KHDC1: variants seen among roughly 807,000 people sequenced by gnomAD.
KHDC1 encodes KH homology domain-containing protein 1.
In KHDC1, 21 loss-of-function variants were observed where a neutral mutation model predicts 24.7. The observed-to-expected ratio is 0.85, with a 90% confidence interval of 0.60 to 1.23. KHDC1 has a LOEUF of 1.23. Ranked by LOEUF, KHDC1 falls within the 50% of genes most tolerant of loss-of-function variation. The pLI, the probability that KHDC1 is intolerant of heterozygous loss-of-function variation, is 0.00. For missense variants in KHDC1, 274 were observed against 298.5 expected, an observed-to-expected ratio of 0.92 and a Z score of 0.61; for synonymous variants, 98 against 111.7, an observed-to-expected ratio of 0.88 and a Z score of 0.77.
chr6:73,309,829 G>A, exon 1 of KHDC1: 2 of 1,289,070 alleles, frequency 1.6e-6, no homozygotes, highest in Non-Finnish European at 1.1e-6. Flanking sequence ...GAGAAGCGAA[G>A]TTCAGGACGC....
At chr6:73,270,730 G>A (rs901990396) in intron 2 of KHDC1, among the ~76,000 whole-genome samples, 9 of 149,172 alleles carry the variant, frequency 6.0e-5, no homozygotes, top group African/African-American at 2.2e-4. Flanking sequence ...TGCTCTTGTC[G>A]CCCAGGCTAG....
At chr6:73,279,056 G>C (rs1405090727) in intron 2 of KHDC1, among the ~76,000 whole-genome samples, 5 of 152,160 alleles carry the variant, frequency 3.3e-5, no homozygotes, top group Non-Finnish European at 7.3e-5. Flanking sequence ...GACTGTTACA[G>C]TGATTGCATA....
chr6:73,254,504 AAATAAAT>A (rs1362358568), intron 2 of KHDC1, among the ~76,000 whole-genome samples: 2 of 149,362 alleles, frequency 1.3e-5, no homozygotes, highest in Admixed American at 6.6e-5. Flanking sequence ...ATAAATAAAT[AAATAAAT>A]AAAAGACTAC....
chr6:73,302,896 G>A (rs1767902320), intron 1 of KHDC1, among the ~76,000 whole-genome samples: 1 of 152,168 alleles, frequency 6.6e-6, no homozygotes, highest in Non-Finnish European at 1.5e-5. Flanking sequence ...AGCCAACATA[G>A]TGAAACCCGG....
chr6:73,307,414 A>G (rs1767984789), intron 1 of KHDC1, among the ~76,000 whole-genome samples: 1 of 152,156 alleles, frequency 6.6e-6, no homozygotes, highest in Admixed American at 6.5e-5. Flanking sequence ...ACAGAGCGAG[A>G]CCCTGTCTCA....
intron 2 of KHDC1, among the ~76,000 whole-genome samples, chr6:73,251,842 T>C (rs573932108): frequency 1.9e-4 from 29 of 150,510 alleles, no homozygotes; most frequent in Non-Finnish European, 3.7e-4. Context: ...TTGTCCTCCA[T>C]GCTGGAGTAC....
At chr6:73,304,582 G>A (rs143180302) in intron 1 of KHDC1, among the ~76,000 whole-genome samples, 33 of 152,108 alleles carry the variant, frequency 2.2e-4, no homozygotes, top group Non-Finnish European at 3.4e-4. Flanking sequence ...GATGACAGGC[G>A]TGAGCCACTG....
chr6:73,289,483 CTA>C (rs1195300062), intron 2 of KHDC1, among the ~76,000 whole-genome samples: 1 of 150,696 alleles, frequency 6.6e-6, no homozygotes, highest in African/African-American at 2.4e-5. Context: ...AACCCTGTCT[CTA>C]TTAAAAATAC....
In KHDC1 at chr6:73,245,426, TA is replaced by T. The variant is rs1300218097; in HGVS notation, c.207-2897del. Among the ~76,000 whole-genome samples the T allele has an allele frequency of 2.0e-5, 3 of 152,170 alleles. No homozygotes were observed. In the East Asian group the frequency reaches 5.8e-4, roughly 29 times the overall value. On this transcript the variant is annotated intron_variant, in intron 2 of 4. Coordinates refer to ENST00000370384, the Ensembl canonical transcript of KHDC1. The stretch of plus-strand genomic sequence containing the variant: ...TTTGGGGAAGATTGTTGTTACCTAT[TA>T]AAAGCTAGATGCATCAAATGAATCC...
chr6:73,273,253 C>T (rs150704310), intron 2 of KHDC1, among the ~76,000 whole-genome samples: 2,091 of 151,332 alleles, frequency 0.014, 42 homozygotes, highest in African/African-American at 0.047. Flanking sequence ...CTGCAACCTT[C>T]GCCTCCTGGG....
At chr6:73,307,672 C>A (rs1389798036) in intron 1 of KHDC1, among the ~76,000 whole-genome samples, 1 of 152,114 alleles carries the variant, frequency 6.6e-6, no homozygotes, top group Non-Finnish European at 1.5e-5. Context: ...CAGCCTTAAA[C>A]GGAGTGCCCA....
intron 2 of KHDC1, 26 bp from the exon 1 acceptor site, chr6:73,263,222 G>C (rs1200309728): frequency 8.1e-6 from 8 of 987,148 alleles, no homozygotes; most frequent in African/African-American, 1.7e-5. Flanking sequence ...GGAAGCGCGC[G>C]GCTGCGGCGC....
At chr6:73,292,886 T>C (rs1767682260) in intron 1 of KHDC1, 3 of 753,164 alleles carry the variant, frequency 4.0e-6, no homozygotes, top group Non-Finnish European at 7.0e-6. Flanking sequence ...GCTGAGAGAA[T>C]GTGAATCAGT....
intron 2 of KHDC1, among the ~76,000 whole-genome samples, chr6:73,270,692 TC>T (rs1582567088): frequency 6.7e-6 from 1 of 150,032 alleles, no homozygotes; most frequent in Non-Finnish European, 1.5e-5. Context: ...TTCTATTTTT[TC>T]TTTTTTTTTT....
intron 1 of KHDC1, chr6:73,292,160 C>T (rs534764878): frequency 6.5e-7 from 1 of 1,548,374 alleles, no homozygotes; most frequent in African/African-American, 1.4e-5. Context: ...TGATGATATT[C>T]CTCATGCTTT....
intron 2 of KHDC1, among the ~76,000 whole-genome samples, chr6:73,289,563 A>G (rs548121399): frequency 6.6e-6 from 1 of 151,494 alleles, no homozygotes; most frequent in East Asian, 2.0e-4. Flanking sequence ...ACACATGAGA[A>G]TCACTTGAAC....
intron 1 of KHDC1, among the ~76,000 whole-genome samples, chr6:73,308,296 G>C (rs1393921088): frequency 2.0e-5 from 3 of 151,716 alleles, no homozygotes; most frequent in East Asian, 3.9e-4. Context: ...GGGTGGTCTT[G>C]ATCCCCTGAC....
intron 4 of KHDC1, 86 bp downstream of exon 3, chr6:73,241,969 G>A (rs925367878): frequency 2.4e-5 from 33 of 1,404,206 alleles, no homozygotes; most frequent in Non-Finnish European, 3.1e-5. Context: ...CCACACAAGG[G>A]ATTCTTCAAG....
chr6:73,241,994 C>A, intron 4 of KHDC1, 61 bp downstream of exon 3: 3 of 1,530,638 alleles, frequency 2.0e-6, no homozygotes, highest in Non-Finnish European at 2.6e-6. Flanking sequence ...CAAGATGCTA[C>A]ACAACTTAGC....
Sources: allele counts gnomAD v4.1 joint callset (sites outside exome capture counted in the v4.1 genomes callset), GRCh38; gene constraint gnomAD v4.1.1; transcripts MANE v1.5; gene names NCBI Gene and HGNC (gene_info 2026-07-23, HGNC 2026-07-21).